Variants in CNTNAP4 observed in about 807,000 individuals in gnomAD.
The protein encoded by CNTNAP4 is contactin-associated protein-like 4.
CNTNAP4 carries 98 observed loss-of-function variants against 148.4 expected under a neutral mutation model. That is an observed-to-expected ratio of 0.66 (90% CI 0.56 to 0.78). CNTNAP4 has a LOEUF of 0.78. Among genes scored for constraint, CNTNAP4 ranks in the 30% least tolerant of loss-of-function variants. The probability of loss-of-function intolerance (pLI) is 0.00; values close to 1 mark genes in which losing one functional copy is unlikely to be tolerated. For synonymous variants in CNTNAP4, 730 were observed against 565.1 expected, an observed-to-expected ratio of 1.29 and a Z score of -4.14; for missense variants, 1,935 against 1,565.6, an observed-to-expected ratio of 1.24 and a Z score of -3.98.
intron 3 of CNTNAP4, among the ~76,000 whole-genome samples, chr16:76,412,843 T>C (rs1249501493): frequency 2.6e-5 from 4 of 151,472 alleles, no homozygotes; most frequent in Non-Finnish European, 5.9e-5. Context: ...AAGAAAATCG[T>C]TGAACTCCTT....
At chr16:76,306,780 A>AG (rs1467741272) in intron 1 of CNTNAP4, among the ~76,000 whole-genome samples, 1 of 152,212 alleles carries the variant, frequency 6.6e-6, no homozygotes, top group East Asian at 1.9e-4. Context: ...TATAAGAAGA[A>AG]GGGATGGATT....
chr16:76,407,604 T>C (rs962634835), intron 3 of CNTNAP4, among the ~76,000 whole-genome samples: 4 of 152,060 alleles, frequency 2.6e-5, no homozygotes, highest in African/African-American at 9.7e-5. Context: ...AGAATTAGAA[T>C]TGGAGCCTAA....
chr16:76,300,231 A>G (rs1441758173), intron 1 of CNTNAP4, among the ~76,000 whole-genome samples: 2 of 152,212 alleles, frequency 1.3e-5, no homozygotes, highest in Non-Finnish European at 2.9e-5. Flanking sequence ...TCACTTTTAA[A>G]GAGAACACAT....
chr16:76,350,758 C>T (rs188329328), intron 2 of CNTNAP4, among the ~76,000 whole-genome samples: 3 of 152,320 alleles, frequency 2.0e-5, no homozygotes, highest in African/African-American at 4.8e-5. Flanking sequence ...ATTTAATTCT[C>T]ATAACAATAC....
chr16:76,286,180 T>C (rs1024818578), intron 1 of CNTNAP4, among the ~76,000 whole-genome samples: 1 of 126,266 alleles, frequency 7.9e-6, no homozygotes, highest in African/African-American at 3.2e-5. Flanking sequence ...TATCAGTGTG[T>C]GTGTGTGTGT....
At chr16:76,462,800 C>G (rs1291682244) in intron 9 of CNTNAP4, among the ~76,000 whole-genome samples, 1 of 152,144 alleles carries the variant, frequency 6.6e-6, no homozygotes, top group East Asian at 1.9e-4. Context: ...TTTAAAACTG[C>G]CAGCAGTAAG....
intron 3 of CNTNAP4, among the ~76,000 whole-genome samples, chr16:76,377,273 G>A (rs1186668571): frequency 2.6e-5 from 4 of 152,048 alleles, no homozygotes; most frequent in Admixed American, 2.6e-4. Flanking sequence ...TACCTTTAAA[G>A]AAACATCTAG....
chr16:76,553,412 T>C lies in CNTNAP4; in HGVS notation c.3572T>C (p.Val1191Ala), dbSNP rs2085049494. Reference protein sequence around the residue: ...AALHPSHPDPVTVTGHVTESS... With the variant: ...AALHPSHPDPATVTGHVTESS... Reference sequence around the variant, plus strand: ...CTGCACCCCAGCCACCCAGACCCTGTCACTGTTACAGGACACGTGACTGAG... The same window carrying C: ...CTGCACCCCAGCCACCCAGACCCTGCCACTGTTACAGGACACGTGACTGAG... Residue 1191 changes from valine (V) to alanine (A), a missense_variant, in exon 22 of 24, where the codon GTC becomes GCC. Coordinates refer to ENST00000611870, the MANE Select transcript of CNTNAP4 (RefSeq NM_033401.5). 1 of 1,612,502 alleles carries C rather than the reference T, an allele frequency of 6.2e-7. No homozygotes were observed. Among genetic ancestry groups the C allele is most frequent in the African/African-American group, 1.3e-5 (1 of 74,900 alleles).
At chr16:76,430,316 C>A (rs998798563) in intron 4 of CNTNAP4, among the ~76,000 whole-genome samples, 3 of 152,152 alleles carry the variant, frequency 2.0e-5, no homozygotes, top group African/African-American at 7.2e-5. Flanking sequence ...GCAGAATTAT[C>A]TACTGAATAA....
intron 4 of CNTNAP4, among the ~76,000 whole-genome samples, chr16:76,436,480 A>G (rs1032518399): frequency 8.2e-5 from 7 of 85,160 alleles, no homozygotes; most frequent in African/African-American, 6.1e-4. Context: ...ATTTTCCACA[A>G]TTTCAGCTTT....
At chr16:76,377,692 C>G (rs926640133) in intron 3 of CNTNAP4, among the ~76,000 whole-genome samples, 2 of 152,096 alleles carry the variant, frequency 1.3e-5, no homozygotes, top group Non-Finnish European at 2.9e-5. Context: ...AGCTGACACT[C>G]ATAAAAAAGG....
intron 12 of CNTNAP4, among the ~76,000 whole-genome samples, chr16:76,481,550 C>A (rs936066024): frequency 6.6e-6 from 1 of 151,754 alleles, no homozygotes; most frequent in Non-Finnish European, 1.5e-5. Context: ...GTCAGTCTCC[C>A]TGGCTGCATT....
intron 2 of CNTNAP4, among the ~76,000 whole-genome samples, chr16:76,327,476 C>G (rs1025425245): frequency 6.6e-6 from 1 of 152,068 alleles, no homozygotes; most frequent in Admixed American, 6.6e-5. Context: ...TGGGTTGATA[C>G]CATGTCTTTG....
chr16:76,500,223 G>T (rs2082575511), intron 15 of CNTNAP4, among the ~76,000 whole-genome samples: 1 of 152,128 alleles, frequency 6.6e-6, no homozygotes, highest in Admixed American at 6.5e-5. Flanking sequence ...CGGCTGGCCT[G>T]GCAGGGGCTG....
chr16:76,315,019 A>T (rs1401457313), intron 1 of CNTNAP4, among the ~76,000 whole-genome samples: 2 of 152,102 alleles, frequency 1.3e-5, no homozygotes, highest in African/African-American at 4.8e-5. Context: ...ATTATTTTAT[A>T]ACTTGATTTT....
At chr16:76,348,089 A>AT (rs761328554) in intron 2 of CNTNAP4, among the ~76,000 whole-genome samples, 1 of 152,280 alleles carries the variant, frequency 6.6e-6, no homozygotes, top group East Asian at 1.9e-4. Context: ...CCATGAAGGC[A>AT]GAAAAACAGC....
intron 1 of CNTNAP4, among the ~76,000 whole-genome samples, chr16:76,308,544 C>T (rs151048397): frequency 1.6e-3 from 248 of 152,322 alleles, no homozygotes; most frequent in Middle Eastern, 6.8e-3. Flanking sequence ...AAAGTTCCTT[C>T]AGTCCTTCGG....
In CNTNAP4 at chr16:76,498,702, G is replaced by T; in HGVS notation, c.2365+8G>T. 6.3e-7 allele frequency: 1 copy of T among 1,595,400 alleles called. No homozygotes were observed. The highest frequency in any genetic ancestry group is 8.5e-7 in the Non-Finnish European group (1 of 1,173,094). ...TGCTCTGCCAGGGAGACAGTAAGTG[G>T]TTACAATGTGTTGAAACCGTATTTG... On this transcript the variant is annotated splice_region_variant and intron_variant, in intron 15 of 23. Transcript: ENST00000611870.
intron 8 of CNTNAP4, among the ~76,000 whole-genome samples, chr16:76,457,243 G>C (rs2080770704): frequency 6.6e-6 from 1 of 152,184 alleles, no homozygotes; most frequent in Non-Finnish European, 1.5e-5. Flanking sequence ...AAAACAATTA[G>C]AATCTAATTT....
Sources: gnomAD v4.1 joint callset for allele counts (sites outside exome capture counted in the v4.1 genomes callset) on GRCh38, gnomAD v4.1.1 for gene constraint, MANE v1.5 for transcripts, NCBI Gene and HGNC (gene_info 2026-07-23, HGNC 2026-07-21) for gene names.